PDE7B: variants seen among roughly 807,000 people sequenced by gnomAD.
PDE7B encodes phosphodiesterase 7B.
In PDE7B, 29 loss-of-function variants were observed where a neutral mutation model predicts 56.2. That is an observed-to-expected ratio of 0.52 (90% CI 0.38 to 0.70). PDE7B has a LOEUF of 0.70. PDE7B is among the 30% of genes least tolerant of loss of function. The pLI is 0.00. For missense variants in PDE7B, 490 were observed against 565.0 expected, an observed-to-expected ratio of 0.87 and a Z score of 1.35; for synonymous variants, 197 against 196.9, an observed-to-expected ratio of 1.00 and a Z score of 0.00.
chr6:135,886,696 T>G (rs1383814047), intron 1 of PDE7B, among the ~76,000 whole-genome samples: 1 of 152,138 alleles, frequency 6.6e-6, no homozygotes, highest in Non-Finnish European at 1.5e-5. Flanking sequence ...CAGAAGACAT[T>G]ATTTCATCCT....
chr6:135,853,288 TA>T (rs1253766662), intron 1 of PDE7B, among the ~76,000 whole-genome samples: 2 of 152,256 alleles, frequency 1.3e-5, no homozygotes, highest in African/African-American at 2.4e-5. Context: ...TTCAAAGGGT[TA>T]AAAAAATTAA....
At chr6:135,866,859 CAAAT>C (rs1305442345) in intron 1 of PDE7B, among the ~76,000 whole-genome samples, 1 of 152,154 alleles carries the variant, frequency 6.6e-6, no homozygotes, top group Non-Finnish European at 1.5e-5. Flanking sequence ...TAGATGATTG[CAAAT>C]AATATAAACC....
intron 2 of PDE7B, among the ~76,000 whole-genome samples, chr6:136,040,274 G>A (rs1000946815): frequency 5.3e-5 from 8 of 152,202 alleles, no homozygotes; most frequent in African/African-American, 9.7e-5. Flanking sequence ...TCCAAAGGAT[G>A]TGTGTTTGCC....
At chr6:135,954,196 G>A (rs62429923) in intron 2 of PDE7B, among the ~76,000 whole-genome samples, 31,246 of 152,072 alleles carry the variant, frequency 0.21, 3,703 homozygotes, top group South Asian at 0.32. Flanking sequence ...ACCCATACAC[G>A]CAGAATGTGA....
At chr6:136,028,302 T>G (rs895983418) in intron 2 of PDE7B, among the ~76,000 whole-genome samples, 3 of 152,182 alleles carry the variant, frequency 2.0e-5, no homozygotes, top group African/African-American at 7.2e-5. Context: ...CCTGCTTTGT[T>G]TAAATAGAAG....
chr6:136,124,964 G>GAAA (rs1777997102), intron 3 of PDE7B, among the ~76,000 whole-genome samples: 1 of 152,080 alleles, frequency 6.6e-6, no homozygotes, highest in South Asian at 2.1e-4. Context: ...CAAATTATTT[G>GAAA]TATTTGTGAT....
chr6:136,057,957 G>T (rs375519250), intron 2 of PDE7B, among the ~76,000 whole-genome samples: 2 of 151,998 alleles, frequency 1.3e-5, no homozygotes, highest in African/African-American at 4.8e-5. Flanking sequence ...GGCTGGTCTC[G>T]AACTCCTGAC....
chr6:136,030,807 G>T (rs990840448), intron 2 of PDE7B, among the ~76,000 whole-genome samples: 14 of 152,210 alleles, frequency 9.2e-5, no homozygotes, highest in African/African-American at 3.4e-4. Flanking sequence ...GCAACAAAAT[G>T]CTGGAAAGAA....
At chr6:136,097,137 G>A (rs190296135) in intron 2 of PDE7B, among the ~76,000 whole-genome samples, 9 of 152,112 alleles carry the variant, frequency 5.9e-5, no homozygotes, top group East Asian at 1.9e-4. Context: ...TTCACTTCTC[G>A]CTCATTTCCT....
intron 1 of PDE7B, among the ~76,000 whole-genome samples, chr6:135,858,729 A>T (rs1036067871): frequency 6.6e-6 from 1 of 151,602 alleles, no homozygotes; most frequent in Non-Finnish European, 1.5e-5. Context: ...TTACACGCCC[A>T]ATTATTTGAG....
rs542604316 is a variant in PDE7B, at chr6:136,115,407, G to A, written c.166+6593G>A. ...AACTATTAGGGCCATTATAAAATAC[G>A]CTTTAAGACTTAAGAAACCAGGAAA... On this transcript the variant is annotated intron_variant, in intron 3 of 12. Transcript: ENST00000308191. Among the ~76,000 whole-genome samples the A allele has an allele frequency of 3.9e-5, 6 of 152,142 alleles. No individual in the cohort carries two copies. The South Asian group carries it at 8.3e-4, about 21-fold the overall frequency.
chr6:135,924,996 GTT>G (rs5880270), intron 1 of PDE7B, among the ~76,000 whole-genome samples: 1,342 of 133,804 alleles, frequency 0.01, 13 homozygotes, highest in African/African-American at 0.028. Flanking sequence ...ATATTTGGGT[GTT>G]TTTTTTTTTT....
chr6:136,187,116 G>A lies in PDE7B; in HGVS notation c.1126G>A (p.Gly376Ser). ...AGATTCCATCCCTAGTATACAAATTGGTGAGTTGAATTCAGTGTTAATTCC... is the reference window on the plus strand; with the variant it reads ...AGATTCCATCCCTAGTATACAAATTAGTGAGTTGAATTCAGTGTTAATTCC... Reference protein sequence around the residue: ...QKDSIPSIQIGFMSYIVEPLF... With the variant: ...QKDSIPSIQISFMSYIVEPLF... The change falls in exon 12 of 13, where the codon GGT becomes AGT. Residue 376 changes from glycine (G) to serine (S), a missense_variant and splice_region_variant. Physicochemically the swap from Gly to Ser is moderately conservative, Grantham distance 56 (BLOSUM62 0). Transcript: ENST00000308191. The A allele has an allele frequency of 6.8e-7, 1 of 1,473,076 alleles. No individual in the cohort carries two copies. Among genetic ancestry groups the A allele is most frequent in the Non-Finnish European group, 9.5e-7 (1 of 1,055,716 alleles). The allele number at this position is 1,473,076 out of a possible 1,614,324, so 91.3% of individuals were successfully genotyped here.
intron 1 of PDE7B, among the ~76,000 whole-genome samples, chr6:135,920,125 T>C (rs1774044184): frequency 6.6e-6 from 1 of 152,160 alleles, no homozygotes; most frequent in South Asian, 2.1e-4. Flanking sequence ...AATTTTAGCT[T>C]AGTCATTTTC....
At chr6:136,119,022 G>A (rs1427401760) in intron 3 of PDE7B, among the ~76,000 whole-genome samples, 1 of 152,130 alleles carries the variant, frequency 6.6e-6, no homozygotes, top group African/African-American at 2.4e-5. Flanking sequence ...AGGGCGTGGT[G>A]GTGACAACTG....
rs780868387 is a variant in PDE7B at position 136,147,465 on chromosome 6, T to C, written c.281T>C (p.Leu94Pro). The part of the protein sequence containing the change: ...LLRGIIPQAP[L>P]HLLDEDYLGQ... ...CGTGGAATTATACCACAAGCCCCTC[T>C]GCACCTGCTGGATGAAGACTACCTT... The change falls in exon 4 of 13, where the codon CTG (leucine) becomes CCG (proline). Residue 94 changes from leucine to proline, a missense_variant. Coordinates refer to ENST00000308191, the MANE Select transcript of PDE7B (RefSeq NM_018945.4). 1 of 1,613,900 alleles carries C rather than the reference T, an allele frequency of 6.2e-7. No homozygotes were observed. The highest frequency in any genetic ancestry group is 1.3e-5 in the African/African-American group (1 of 74,926).
intron 3 of PDE7B, among the ~76,000 whole-genome samples, chr6:136,123,469 A>G (rs375442790): frequency 1.3e-4 from 20 of 152,350 alleles, no homozygotes; most frequent in African/African-American, 4.6e-4. Context: ...CACATAGAAA[A>G]TCATTTTTAC....
At chr6:136,000,281 T>C (rs562211229) in intron 2 of PDE7B, among the ~76,000 whole-genome samples, 2 of 152,310 alleles carry the variant, frequency 1.3e-5, no homozygotes, top group Non-Finnish European at 2.9e-5. Flanking sequence ...ATTTTTGCTT[T>C]TGTTGCAATT....
At chr6:135,879,570 C>T (rs977834522) in intron 1 of PDE7B, among the ~76,000 whole-genome samples, 7 of 151,668 alleles carry the variant, frequency 4.6e-5, no homozygotes, top group Non-Finnish European at 1.0e-4. Context: ...AAATATTTAA[C>T]CAATACTCGT....
Sources: gnomAD v4.1 joint callset for allele counts (sites outside exome capture counted in the v4.1 genomes callset) on GRCh38, gnomAD v4.1.1 for gene constraint, MANE v1.5 for transcripts, NCBI Gene and HGNC (gene_info 2026-07-23, HGNC 2026-07-21) for gene names.